The following IGFL4 variants were observed in gnomAD, a reference collection of about 807,000 sequenced individuals.
IGFL4 encodes IGF like family member 4, also known as insulin growth factor-like family member 4.
Under a neutral mutation model 15.4 loss-of-function variants are expected in IGFL4, and 12 were observed. The observed-to-expected ratio is 0.78, with a 90% CI of 0.50 to 1.26. The LOEUF (loss-of-function observed/expected upper bound fraction) is 1.26, where lower values mean the gene tolerates loss of function less well. Among genes scored for constraint, IGFL4 ranks in the 50% most tolerant of loss-of-function variants. The pLI, the probability that IGFL4 is intolerant of heterozygous loss-of-function variation, is 0.00. For synonymous variants in IGFL4, 54 were observed against 55.9 expected, an observed-to-expected ratio of 0.97 and a Z score of 0.16; for missense variants, 126 against 147.8, an observed-to-expected ratio of 0.85 and a Z score of 0.76.
At chr19:46,071,696 C>T (rs1454113970) in intron 1 of IGFL4, among the ~76,000 whole-genome samples, 13 of 152,144 alleles carry the variant, frequency 8.5e-5, no homozygotes, top group Non-Finnish European at 1.9e-4. Flanking sequence ...AAAATAACAG[C>T]CAACAAAGAC....
upstream of IGFL4, among the ~76,000 whole-genome samples, chr19:46,042,824 G>T (rs1171976400): frequency 1.3e-5 from 2 of 152,208 alleles, no homozygotes; most frequent in Non-Finnish European, 2.9e-5. Context: ...CTCCCTAGAA[G>T]CCAGAGGCAG....
chr19:46,051,381 C>T (rs1215527342), intron 2 of IGFL4, among the ~76,000 whole-genome samples: 1 of 152,008 alleles, frequency 6.6e-6, no homozygotes, highest in African/African-American at 2.4e-5. Context: ...CCTGTCTCTA[C>T]TAAAATACAA....
At chr19:46,054,017 T>C (rs1200846513) in intron 2 of IGFL4, among the ~76,000 whole-genome samples, 1 of 152,222 alleles carries the variant, frequency 6.6e-6, no homozygotes, top group Non-Finnish European at 1.5e-5. Context: ...TTCTGGATAT[T>C]AATGCCTAGT....
intron 2 of IGFL4, among the ~76,000 whole-genome samples, chr19:46,054,956 A>G (rs1969379705): frequency 2.0e-5 from 3 of 152,208 alleles, no homozygotes; most frequent in Admixed American, 6.5e-5. Context: ...ATCATCCTTC[A>G]GTATGGGTAT....
rs1454074171 is a variant in IGFL4 at position 46,074,645 on chromosome 19, TGA to T, written c.-432+2373_-432+2374del. On this transcript the variant is annotated intron_variant, in intron 1 of 5. Transcript: ENST00000601672. ...GAGGGAAAGATGTAGGCTGGGAGGCTGAGACAGTCTAGTCTTTTCACATTTTT... is the reference window on the plus strand; with the variant it reads ...GAGGGAAAGATGTAGGCTGGGAGGCTGACAGTCTAGTCTTTTCACATTTTT... 1.6e-3 allele frequency among the ~76,000 whole-genome samples: 238 copies of T among 152,224 alleles called. 2 individuals are homozygous for T. Among genetic ancestry groups the T allele is most frequent in the Non-Finnish European group, 1.3e-3 (86 of 68,012 alleles).
At chr19:46,057,631 G>A (rs1335984401) in intron 2 of IGFL4, 1 of 152,104 alleles carries the variant, frequency 6.6e-6, no homozygotes, top group Non-Finnish European at 1.5e-5. Flanking sequence ...AAGTATACTA[G>A]TCTGCTCTCA....
chr19:46,066,823 A>G (rs1028800980), intron 1 of IGFL4, among the ~76,000 whole-genome samples: 2 of 152,234 alleles, frequency 1.3e-5, no homozygotes, highest in African/African-American at 2.4e-5. Context: ...TGGTGATTAT[A>G]TTTCAACATG....
At chr19:46,048,965 A>G (rs1262047210) in intron 2 of IGFL4, among the ~76,000 whole-genome samples, 1 of 152,232 alleles carries the variant, frequency 6.6e-6, no homozygotes, top group African/African-American at 2.4e-5. Context: ...AGCCAAGACA[A>G]TCCTAAGCAA....
At chr19:46,072,133 A>G (rs1969551999) in intron 1 of IGFL4, among the ~76,000 whole-genome samples, 1 of 152,214 alleles carries the variant, frequency 6.6e-6, no homozygotes, top group African/African-American at 2.4e-5. Flanking sequence ...GGATGAACCA[A>G]ATGAGGCCAC....
At chr19:46,048,970 A>C (rs1346766779) in intron 2 of IGFL4, among the ~76,000 whole-genome samples, 1 of 152,250 alleles carries the variant, frequency 6.6e-6, no homozygotes, top group Non-Finnish European at 1.5e-5. Context: ...AGACAATCCT[A>C]AGCAAAAAAG....
At chr19:46,049,373 G>A (rs1969324961) in intron 2 of IGFL4, among the ~76,000 whole-genome samples, 2 of 152,202 alleles carry the variant, frequency 1.3e-5, no homozygotes, top group Admixed American at 6.5e-5. Context: ...CCTGGGGCAA[G>A]TTCTCAGTCC....
At chr19:46,044,131 G>A (rs1969274700), upstream of IGFL4, among the ~76,000 whole-genome samples, 1 of 152,204 alleles carries the variant, frequency 6.6e-6, no homozygotes, top group Non-Finnish European at 1.5e-5. Flanking sequence ...GTGAGTGATT[G>A]TGCAACCCTG....
chr19:46,067,242 T>A (rs1191237729), intron 1 of IGFL4, among the ~76,000 whole-genome samples: 3 of 152,174 alleles, frequency 2.0e-5, no homozygotes, highest in Non-Finnish European at 2.9e-5. Flanking sequence ...CCTTTGCCTA[T>A]ACCTAACACT....
At chr19:46,065,353 C>T (rs188706949) in intron 1 of IGFL4, among the ~76,000 whole-genome samples, 3 of 151,826 alleles carry the variant, frequency 2.0e-5, no homozygotes, top group African/African-American at 4.8e-5. Context: ...GAGGGAGTCT[C>T]GCTCTGTCGC....
intron 1 of IGFL4, among the ~76,000 whole-genome samples, chr19:46,067,669 G>A (rs1213242096): frequency 1.3e-5 from 2 of 152,188 alleles, no homozygotes; most frequent in Non-Finnish European, 2.9e-5. Context: ...TGAGGAAAGA[G>A]TGATGAACAA....
upstream of IGFL4, among the ~76,000 whole-genome samples, chr19:46,041,821 C>T (rs1043203615): frequency 6.1e-5 from 9 of 148,448 alleles, no homozygotes; most frequent in Non-Finnish European, 1.3e-4. Context: ...GTCTCTTCCT[C>T]CTCCCTCCTC....
At chr19:46,053,605 A>T (rs1229116766) in intron 2 of IGFL4, among the ~76,000 whole-genome samples, 1 of 152,166 alleles carries the variant, frequency 6.6e-6, no homozygotes, top group Non-Finnish European at 1.5e-5. Flanking sequence ...TCTCTTAGAT[A>T]TACTGATTTC....
chr19:46,075,815 T>C (rs1192705077), intron 1 of IGFL4, among the ~76,000 whole-genome samples: 1 of 152,200 alleles, frequency 6.6e-6, no homozygotes, highest in Non-Finnish European at 1.5e-5. Context: ...TTATATATAT[T>C]ACTTCGAATT....
chr19:46,052,865 C>CG (rs1327627062), intron 2 of IGFL4, among the ~76,000 whole-genome samples: 1 of 102,306 alleles, frequency 9.8e-6, no homozygotes, highest in African/African-American at 4.1e-5. Flanking sequence ...TATGTTATCT[C>CG]GTTTTTTTTT....
Sources: allele counts gnomAD v4.1 joint callset (sites outside exome capture counted in the v4.1 genomes callset), GRCh38; gene constraint gnomAD v4.1.1; transcripts MANE v1.5; gene names NCBI Gene and HGNC (gene_info 2026-07-23, HGNC 2026-07-21).